ROBO1: variants seen among roughly 807,000 people sequenced by gnomAD.
ROBO1 encodes the protein roundabout homolog 1.
A neutral mutation model predicts 195.9 loss-of-function variants in ROBO1; 149 were observed. The observed-to-expected ratio is 0.76, with a 90% CI of 0.67 to 0.87. The LOEUF (loss-of-function observed/expected upper bound fraction) is 0.87, where lower values mean the gene tolerates loss of function less well. ROBO1 is among the 40% of genes least tolerant of loss of function. The pLI, the probability that ROBO1 is intolerant of heterozygous loss-of-function variation, is 0.00. For missense variants in ROBO1, 1,933 were observed against 2,068.3 expected (o/e 0.93, Z 1.27); for synonymous variants, 816 against 733.2 (o/e 1.11, Z -1.82).
chr3:78,607,146 CT>C, intron 28 of ROBO1, 105 bp from the exon 29 acceptor site: 1 of 1,073,812 alleles, frequency 9.3e-7, no homozygotes, highest in Non-Finnish European at 1.3e-6. Context: ...GATACTATAT[CT>C]TAGATGAACT....
At chr3:79,726,389 A>T (rs1216313743) in intron 1 of ROBO1, among the ~76,000 whole-genome samples, 1 of 152,170 alleles carries the variant, frequency 6.6e-6, no homozygotes, top group Non-Finnish European at 1.5e-5. Context: ...TATATACAAT[A>T]CTTTTGGAAT....
At position 78,723,845 on chromosome 3, in the gene ROBO1, A is replaced by C. The variant is rs116397506; in HGVS notation, c.658-5962T>G. Reference sequence around the variant, plus strand: ...CAAAAGACAAAAGGAAGGAAGGGATACAATTAGATAATACAAATAATATTT... The same window carrying C: ...CAAAAGACAAAAGGAAGGAAGGGATCCAATTAGATAATACAAATAATATTT... On this transcript the variant is annotated intron_variant, in intron 5 of 30. Transcript: ENST00000464233. Among the ~76,000 whole-genome samples the C allele has an allele frequency of 2.6e-3, 398 of 152,334 alleles. 1 individual carries two copies. The highest frequency in any genetic ancestry group is 9.0e-3 in the African/African-American group (376 of 41,582).
chr3:78,714,312 G>T (rs542821258), intron 8 of ROBO1, 85 bp downstream of exon 8: 17 of 1,321,918 alleles, frequency 1.3e-5, no homozygotes, highest in Admixed American at 2.2e-5. Flanking sequence ...ATGTAACATA[G>T]CCCTATACAT....
intron 2 of ROBO1, among the ~76,000 whole-genome samples, chr3:79,171,454 A>T (rs2081164713): frequency 6.7e-6 from 1 of 150,282 alleles, no homozygotes; most frequent in South Asian, 2.1e-4. Context: ...TCTGGGCTTA[A>T]TTTTTTCTTT....
chr3:79,397,818 A>G (rs2106759173), intron 2 of ROBO1, among the ~76,000 whole-genome samples: 1 of 152,316 alleles, frequency 6.6e-6, no homozygotes, highest in African/African-American at 2.4e-5. Flanking sequence ...TTTTGCATTA[A>G]GCTACTTAAC....
In ROBO1 at chr3:78,657,228, T is replaced by C; in HGVS notation, c.2484A>G (p.Lys828=). The part of the protein sequence containing the change: ...LGNETRYHIN[K]TVDGSTFSVV... ...CGGAAAAGGTGGAACCATCCACTGT[T>C]TTGTTGATGTGGTATCGAGTTTCAT... Residue 828 remains lysine, a synonymous_variant, in exon 18 of 31, where the codon AAA becomes AAG. Coordinates refer to ENST00000464233, the MANE Select transcript of ROBO1 (RefSeq NM_002941.4). 1 of 1,613,746 alleles carries C rather than the reference T, an allele frequency of 6.2e-7. No individual in the cohort carries two copies. Among genetic ancestry groups the C allele is most frequent in the South Asian group, 1.1e-5 (1 of 91,000 alleles).
chr3:79,090,707 G>A (rs181708185), intron 3 of ROBO1, among the ~76,000 whole-genome samples: 1 of 152,146 alleles, frequency 6.6e-6, no homozygotes, highest in East Asian at 1.9e-4. Context: ...AGCCTAATGT[G>A]TATAATACCT....
At chr3:79,401,188 A>T (rs79999529) in intron 2 of ROBO1, among the ~76,000 whole-genome samples, 3,616 of 150,370 alleles carry the variant, frequency 0.024, 119 homozygotes, top group African/African-American at 0.078. Flanking sequence ...TGATTTTTTT[A>T]AAAAAAAATT....
intron 1 of ROBO1, among the ~76,000 whole-genome samples, chr3:79,674,319 CTCAATGCATG>C (rs1380841954): frequency 6.6e-6 from 1 of 151,872 alleles, no homozygotes; most frequent in African/African-American, 2.4e-5. Context: ...CGTGGCTGTT[CTCAATGCATG>C]TCAATGCATG....
At chr3:78,867,227 C>T (rs893266588) in intron 4 of ROBO1, among the ~76,000 whole-genome samples, 1 of 152,120 alleles carries the variant, frequency 6.6e-6, no homozygotes, top group Non-Finnish European at 1.5e-5. Context: ...GATTATTGTT[C>T]CATGAAGCTA....
intron 2 of ROBO1, among the ~76,000 whole-genome samples, chr3:79,395,933 A>G (rs1056642225): frequency 6.6e-6 from 1 of 152,084 alleles, no homozygotes; most frequent in Non-Finnish European, 1.5e-5. Flanking sequence ...TGGAAATGCT[A>G]TAATATTTTG....
At chr3:79,348,622 G>A (rs1042617425) in intron 2 of ROBO1, among the ~76,000 whole-genome samples, 1 of 152,124 alleles carries the variant, frequency 6.6e-6, no homozygotes, top group African/African-American at 2.4e-5. Context: ...TGTTTGTGCT[G>A]CACATTAAAT....
At chr3:79,346,514 C>CT (rs1406103581) in intron 2 of ROBO1, among the ~76,000 whole-genome samples, 1 of 152,008 alleles carries the variant, frequency 6.6e-6, no homozygotes, top group Non-Finnish European at 1.5e-5. Flanking sequence ...AAAAACATTA[C>CT]TTTTTTTCTT....
In ROBO1 at chr3:79,656,495, CATTTT is replaced by C. The variant is rs1422352597; in HGVS notation, c.-50-66539_-50-66535del. ...TAATAGTATACTTTATTGAATGAGA[CATTTT>C]ATTTTATTTATTTTTGTCTATCAAT... On this transcript the variant is annotated intron_variant, in intron 1 of 30. Transcript: ENST00000464233. Among the ~76,000 whole-genome samples the C allele has an allele frequency of 1.2e-4, 19 of 152,032 alleles. No individual in the cohort carries two copies. The East Asian group carries it at 1.4e-3, about 11-fold the overall frequency.
rs750972937 is a variant in ROBO1 at position 78,618,017 on chromosome 3, TGGA to T, written c.3897_3899del (p.Pro1302del). ...GTGGAGGGGAGATCGGCCGTGGTGG[TGGA>T]GGAGGACTCACAGGCTGCCGTCTGT... On this transcript the variant is annotated inframe_deletion, in exon 27 of 31. Transcript: ENST00000464233. 2 of 1,613,014 alleles carry T rather than the reference TGGA, an allele frequency of 1.2e-6. No homozygotes were observed. Among genetic ancestry groups the T allele is most frequent in the Non-Finnish European group, 1.7e-6 (2 of 1,179,402 alleles).
chr3:79,248,964 G>A (rs567761287), intron 2 of ROBO1, among the ~76,000 whole-genome samples: 1 of 152,224 alleles, frequency 6.6e-6, no homozygotes, highest in South Asian at 2.1e-4. Context: ...AAACATATTG[G>A]ATTTTAGACT....
chr3:79,039,816 A>AAAAAAAG (rs1382728878), intron 3 of ROBO1, among the ~76,000 whole-genome samples: 1 of 150,700 alleles, frequency 6.6e-6, no homozygotes, highest in African/African-American at 2.4e-5. Context: ...AAAAAAAAAA[A>AAAAAAAG]AAAAGTTATG....
chr3:79,283,512 G>C (rs2031664368), intron 2 of ROBO1, among the ~76,000 whole-genome samples: 1 of 152,080 alleles, frequency 6.6e-6, no homozygotes, highest in Admixed American at 6.6e-5. Context: ...ATAGTTTCAG[G>C]CTTGATCTAA....
intron 3 of ROBO1, among the ~76,000 whole-genome samples, chr3:79,074,061 A>T (rs540313570): frequency 3.3e-5 from 5 of 151,838 alleles, no homozygotes; most frequent in Non-Finnish European, 7.4e-5. Context: ...ATATAATCTC[A>T]TTGTTCTTTA....
Sources: allele counts gnomAD v4.1 joint callset (sites outside exome capture counted in the v4.1 genomes callset), GRCh38; gene constraint gnomAD v4.1.1; transcripts MANE v1.5; gene names NCBI Gene and HGNC (gene_info 2026-07-23, HGNC 2026-07-21).